Variants in DAB1 observed in about 807,000 individuals in gnomAD.
DAB1 encodes the protein DAB adaptor protein 1, also known as disabled homolog 1.
A neutral mutation model predicts 64.6 loss-of-function variants in DAB1; 15 were observed. The observed-to-expected ratio is 0.23, with a 90% CI of 0.16 to 0.36. The LOEUF is 0.36. Ranked by LOEUF, DAB1 falls within the 10% of genes least tolerant of loss-of-function variation. The pLI, the probability that DAB1 is intolerant of heterozygous loss-of-function variation, is 1.00. For missense variants in DAB1, 596 were observed against 706.7 expected (o/e 0.84, Z 1.78); for synonymous variants, 235 against 251.9 (o/e 0.93, Z 0.64).
chr1:58,355,842 A>G (rs1212033233), intron 3 of DAB1, among the ~76,000 whole-genome samples: 2 of 152,184 alleles, frequency 1.3e-5, no homozygotes, highest in Non-Finnish European at 2.9e-5. Flanking sequence ...GGAACATGCA[A>G]AGTCTCAAGG....
chr1:57,558,536 G>A (rs1170552989), intron 7 of DAB1, among the ~76,000 whole-genome samples: 1 of 152,190 alleles, frequency 6.6e-6, no homozygotes, highest in Non-Finnish European at 1.5e-5. Context: ...GATACTGCTT[G>A]AGTTTTCTAA....
chr1:57,341,258 C>A (rs1281013056), intron 1 of DAB1, among the ~76,000 whole-genome samples: 1 of 152,070 alleles, frequency 6.6e-6, no homozygotes, highest in Non-Finnish European at 1.5e-5. Context: ...AGATTTGGAC[C>A]CTGATTCTTC....
chr1:57,057,768 T>A (rs1183415509), intron 9 of DAB1, among the ~76,000 whole-genome samples: 1 of 79,196 alleles, frequency 1.3e-5, no homozygotes, highest in Non-Finnish European at 2.6e-5. Context: ...CCACCATGCC[T>A]GGCTAATTTT....
At chr1:57,350,607 C>G (rs1054778903) in intron 1 of DAB1, among the ~76,000 whole-genome samples, 1 of 152,082 alleles carries the variant, frequency 6.6e-6, no homozygotes, top group Admixed American at 6.6e-5. Context: ...TCCTGACTGG[C>G]TGACCCAATC....
chr1:58,040,826 T>A (rs529047690), intron 5 of DAB1, among the ~76,000 whole-genome samples: 1 of 152,304 alleles, frequency 6.6e-6, no homozygotes, highest in South Asian at 2.1e-4. Flanking sequence ...ACAAAAGGCA[T>A]CCACTTCAAT....
intron 5 of DAB1, among the ~76,000 whole-genome samples, chr1:58,133,946 C>A (rs970442530): frequency 6.6e-6 from 1 of 152,180 alleles, no homozygotes; most frequent in African/African-American, 2.4e-5. Flanking sequence ...ACCCCCAAGG[C>A]ACACAGGACC....
In DAB1 at chr1:58,300,637, AGAGAGAGAGAGGAAGGAAGGAAGG is replaced by A. The variant is rs1458035417; in HGVS notation, n.309+42691_309+42714del. On this transcript the variant is annotated intron_variant and non_coding_transcript_variant, in intron 4 of 20. Coordinates refer to the DAB1 transcript ENST00000485760. ...GAGAGAGAGAGAGAGAGAGAGAGAG[AGAGAGAGAGAGGAAGGAAGGAAGG>A]AAGGAAGGAAGGAAGGAAGGAAGGA... 1.6e-4 allele frequency among the ~76,000 whole-genome samples: 10 copies of A among 63,044 alleles called. No homozygotes were observed. In the East Asian group the frequency reaches 2.7e-3, roughly 17 times the overall value. The allele number at this position is 63,044 out of a possible 152,430, so 41.4% of individuals were successfully genotyped here.
intron 4 of DAB1, among the ~76,000 whole-genome samples, chr1:58,294,080 A>G (rs1228640352): frequency 1.3e-5 from 2 of 152,086 alleles, no homozygotes; most frequent in African/African-American, 2.4e-5. Context: ...AGTGTTTTCT[A>G]TCTTGCCAGA....
chr1:57,649,959 T>A (rs570512108), intron 6 of DAB1, among the ~76,000 whole-genome samples: 41 of 152,338 alleles, frequency 2.7e-4, no homozygotes, highest in African/African-American at 9.6e-4. Flanking sequence ...TATCTACACA[T>A]ACACAAAAGA....
intron 7 of DAB1, among the ~76,000 whole-genome samples, chr1:57,520,110 C>T (rs1487979936): frequency 6.6e-6 from 1 of 152,200 alleles, no homozygotes; most frequent in Non-Finnish European, 1.5e-5. Flanking sequence ...CAGGCAATAA[C>T]ATCTGGATTA....
intron 4 of DAB1, among the ~76,000 whole-genome samples, chr1:58,240,080 C>T (rs1206820333): frequency 6.6e-6 from 1 of 152,140 alleles, no homozygotes; most frequent in Admixed American, 6.5e-5. Flanking sequence ...TACAAGCAAA[C>T]CCAGGGAACA....
At position 57,783,099 on chromosome 1, in the gene DAB1, C is replaced by CT. The variant is rs1319720748; in HGVS notation, n.551+100899dup. Among the ~76,000 whole-genome samples, 3 of 81,486 alleles carry CT rather than the reference C, an allele frequency of 3.7e-5. No homozygotes were observed. In the East Asian group the frequency reaches 1.1e-3, roughly 29 times the overall value. 53.5% of individuals were successfully genotyped at this position (81,486 alleles called of 152,430 possible). A position where few individuals can be genotyped will look rare whatever the true frequency, so the allele number is the denominator to read the frequency against. On this transcript the variant is annotated intron_variant and non_coding_transcript_variant, in intron 6 of 20. Transcript: ENST00000485760. ...ACCTTCTTTCTTTCTCTCTCTCTCT[C>CT]TCTTTTCTTTTTTTTTTTTTTTTTT...
chr1:58,533,834 C>T (rs1646474298), intron 1 of DAB1: 1 of 688,052 alleles, frequency 1.5e-6, no homozygotes, highest in African/African-American at 1.8e-5. Context: ...AAGGCAATTA[C>T]CCAAAACTAA....
chr1:57,791,243 AG>A (rs1650582376), intron 6 of DAB1, among the ~76,000 whole-genome samples: 1 of 152,188 alleles, frequency 6.6e-6, no homozygotes, highest in Non-Finnish European at 1.5e-5. Context: ...ACTATGCCCT[AG>A]GCCCCCCTGT....
chr1:57,836,149 T>C (rs1652798365), intron 1 of DAB1, among the ~76,000 whole-genome samples: 1 of 152,224 alleles, frequency 6.6e-6, no homozygotes, highest in African/African-American at 2.4e-5. Flanking sequence ...ACTTGATGTC[T>C]AATGAATATT....
chr1:57,787,332 A>G (rs1157627390), intron 6 of DAB1, among the ~76,000 whole-genome samples: 1 of 152,144 alleles, frequency 6.6e-6, no homozygotes, highest in East Asian at 1.9e-4. Context: ...AGACAAATAC[A>G]TAAATGGAAC....
At chr1:57,191,151 G>A (rs907427192) in intron 2 of DAB1, among the ~76,000 whole-genome samples, 3 of 152,142 alleles carry the variant, frequency 2.0e-5, no homozygotes, top group African/African-American at 7.2e-5. Context: ...GTAAATACAA[G>A]CTAATGAGAG....
chr1:57,924,392 G>C (rs1644849910), intron 5 of DAB1, among the ~76,000 whole-genome samples: 1 of 152,180 alleles, frequency 6.6e-6, no homozygotes, highest in African/African-American at 2.4e-5. Flanking sequence ...TCTGGAGTCA[G>C]ACAGTCATGA....
At chr1:57,989,195 G>C (rs545057052) in intron 5 of DAB1, among the ~76,000 whole-genome samples, 1 of 152,120 alleles carries the variant, frequency 6.6e-6, no homozygotes, top group Non-Finnish European at 1.5e-5. Context: ...AGGCATGAGG[G>C]TTATATGAGT....
Sources: allele counts gnomAD v4.1 joint callset (sites outside exome capture counted in the v4.1 genomes callset), GRCh38; gene constraint gnomAD v4.1.1; transcripts MANE v1.5; gene names NCBI Gene and HGNC (gene_info 2026-07-23, HGNC 2026-07-21).